Variants in IFT56 observed in about 807,000 individuals in gnomAD.
IFT56 encodes intraflagellar transport protein 56.
chr7:139,143,015 GTTTAA>G, the IFT56 span, among the ~76,000 whole-genome samples: 5 of 151,668 alleles, frequency 3.3e-5, no homozygotes, highest in East Asian at 9.7e-4. Flanking sequence ...TTAAATAATT[GTTTAA>G]TTTATTTAAA....
At chr7:139,154,665 C>A in the IFT56 span, among the ~76,000 whole-genome samples, 814 of 152,274 alleles carry the variant, frequency 5.3e-3, 5 homozygotes, top group Middle Eastern at 0.017. Context: ...GGATTCATTT[C>A]TTCTGGACTC....
At chr7:139,133,898 G>C in the IFT56 span, 1 of 1,614,006 alleles carries the variant, frequency 6.2e-7, no homozygotes, top group Non-Finnish European at 8.5e-7. Flanking sequence ...ACTTTGAGTA[G>C]GTCCTGAGGC....
At chr7:139,166,963 T>C in the IFT56 span, 3 of 1,058,894 alleles carry the variant, frequency 2.8e-6, no homozygotes, top group East Asian at 7.1e-5. Flanking sequence ...GAAATTTAGT[T>C]GGAAGTCATA....
At chr7:139,187,173 T>TGAA in the IFT56 span, among the ~76,000 whole-genome samples, 1 of 152,074 alleles carries the variant, frequency 6.6e-6, no homozygotes, top group Non-Finnish European at 1.5e-5. Context: ...TGTTATACTG[T>TGAA]TGAAAACTGA....
At chr7:139,152,078 AC>A in the IFT56 span, among the ~76,000 whole-genome samples, 1 of 152,144 alleles carries the variant, frequency 6.6e-6, no homozygotes, top group Non-Finnish European at 1.5e-5. Flanking sequence ...AAAAAAAGAA[AC>A]CATTTCCTAG....
At chr7:139,178,231 C>T in the IFT56 span, 4 of 1,613,554 alleles carry the variant, frequency 2.5e-6, no homozygotes, top group African/African-American at 1.3e-5. Flanking sequence ...ACCAGGGAGG[C>T]AGTGCATGGC....
At chr7:139,155,564 T>G in the IFT56 span, among the ~76,000 whole-genome samples, 6 of 152,172 alleles carry the variant, frequency 3.9e-5, no homozygotes. Flanking sequence ...TGGGTTTTAT[T>G]CTATTGATAT....
the IFT56 span, chr7:139,168,702 G>T: frequency 5.7e-6 from 2 of 353,716 alleles, no homozygotes; most frequent in Non-Finnish European, 5.4e-6. Context: ...TATTTGCAGC[G>T]ACTTTTTTTA....
the IFT56 span, among the ~76,000 whole-genome samples, chr7:139,137,674 G>C: frequency 6.6e-6 from 1 of 152,164 alleles, no homozygotes; most frequent in African/African-American, 2.4e-5. Context: ...ATAAATTTCT[G>C]TGACAATTAG....
chr7:139,185,330 T>G, the IFT56 span, among the ~76,000 whole-genome samples: 209 of 152,186 alleles, frequency 1.4e-3, 3 homozygotes, highest in African/African-American at 4.8e-3. Context: ...ATTTTTATAT[T>G]GTGATATTTT....
the IFT56 span, among the ~76,000 whole-genome samples, chr7:139,177,834 G>A: frequency 4.6e-5 from 7 of 152,110 alleles, no homozygotes; most frequent in East Asian, 1.9e-4. Context: ...TTATTTTTCC[G>A]TTTAAGATTG....
chr7:139,154,991 T>G, the IFT56 span, among the ~76,000 whole-genome samples: 1 of 151,884 alleles, frequency 6.6e-6, no homozygotes, highest in Non-Finnish European at 1.5e-5. Context: ...TAGGTGTTTT[T>G]AAATTTCAGC....
chr7:139,157,139 C>CTTTTTTTTTTTTTTTTTTTTTTTTT, the IFT56 span, among the ~76,000 whole-genome samples: 1 of 82,090 alleles, frequency 1.2e-5, no homozygotes, highest in Non-Finnish European at 2.5e-5. Context: ...TCTTTAATTT[C>CTTTTTTTTTTTTTTTTTTTTTTTTT]TTTTTTTTTT....
At chr7:139,189,613 A>G in the IFT56 span, 2 of 525,860 alleles carry the variant, frequency 3.8e-6, no homozygotes, top group South Asian at 5.4e-5. Context: ...ACAGAGTGCC[A>G]TAGTCTGTGA....
the IFT56 span, among the ~76,000 whole-genome samples, chr7:139,162,836 G>A: frequency 6.6e-6 from 1 of 151,952 alleles, no homozygotes; most frequent in African/African-American, 2.4e-5. Flanking sequence ...GCATGCACCT[G>A]TAATCCCAGC....
chr7:139,147,074 A>G, the IFT56 span: 22 of 1,595,632 alleles, frequency 1.4e-5, no homozygotes, highest in Non-Finnish European at 1.9e-5. Context: ...AATCTCTATC[A>G]CATAGATATT....
At chr7:139,136,361 T>C in the IFT56 span, among the ~76,000 whole-genome samples, 2 of 152,224 alleles carry the variant, frequency 1.3e-5, no homozygotes, top group East Asian at 1.9e-4. Flanking sequence ...CTGAGTGCTA[T>C]GTATATATCT....
the IFT56 span, chr7:139,148,508 T>A: frequency 1.3e-6 from 1 of 771,770 alleles, no homozygotes; most frequent in Non-Finnish European, 2.0e-6. Flanking sequence ...ACTGTGATTC[T>A]ATAAGAACCT....
chr7:139,162,991 T>G, the IFT56 span, among the ~76,000 whole-genome samples: 5 of 148,480 alleles, frequency 3.4e-5, no homozygotes, highest in African/African-American at 7.5e-5. Context: ...CTTGCTTTTT[T>G]GGGGGAGGAT....
Sources: gnomAD v4.1 joint callset for allele counts (sites outside exome capture counted in the v4.1 genomes callset) on GRCh38, gnomAD v4.1.1 for gene constraint, MANE v1.5 for transcripts, NCBI Gene and HGNC (gene_info 2026-07-23, HGNC 2026-07-21) for gene names.